The following DYSF variants were observed in gnomAD, a reference collection of about 807,000 sequenced individuals.
DYSF encodes the protein dystrophy-associated fer-1-like 1.
DYSF carries 212 observed loss-of-function variants against 274.9 expected under a neutral mutation model. The observed-to-expected ratio is 0.77, with a 90% CI of 0.69 to 0.86. The LOEUF (loss-of-function observed/expected upper bound fraction) is 0.86, where lower values mean the gene tolerates loss of function less well. Among genes scored for constraint, DYSF ranks in the 40% least tolerant of loss-of-function variants. The pLI, the probability that DYSF is intolerant of heterozygous loss-of-function variation, is 0.00. For synonymous variants in DYSF, 1,091 were observed against 1,078.7 expected, an observed-to-expected ratio of 1.01 and a Z score of -0.22; for missense variants, 2,666 against 2,783.2, an observed-to-expected ratio of 0.96 and a Z score of 0.95.
intron 30 of DYSF, among the ~76,000 whole-genome samples, chr2:71,585,077 C>T (rs1473742529): frequency 6.6e-6 from 1 of 152,238 alleles, no homozygotes; most frequent in Admixed American, 6.5e-5. Context: ...TTCCCCGAAC[C>T]TGGCCACAGG....
intron 30 of DYSF, among the ~76,000 whole-genome samples, chr2:71,589,213 G>C (rs1225225887): frequency 6.6e-6 from 1 of 152,182 alleles, no homozygotes; most frequent in Non-Finnish European, 1.5e-5. Flanking sequence ...ACCCAGAGAT[G>C]CTAGCCTGGA....
At chr2:71,470,064 A>G (rs76265417) in intron 1 of DYSF, among the ~76,000 whole-genome samples, 5,087 of 152,288 alleles carry the variant, frequency 0.033, 301 homozygotes, top group African/African-American at 0.12. Flanking sequence ...CTTGAAGGCC[A>G]GATCTGCTGC....
intron 1 of DYSF, among the ~76,000 whole-genome samples, chr2:71,474,484 A>G (rs917378996): frequency 3.3e-5 from 5 of 152,214 alleles, no homozygotes; most frequent in African/African-American, 1.2e-4. Flanking sequence ...CAAGGCCTAA[A>G]TTAATAATCA....
At chr2:71,484,045 CTTTTTTT>C (rs59780652) in intron 3 of DYSF, among the ~76,000 whole-genome samples, 41 of 67,592 alleles carry the variant, frequency 6.1e-4, no homozygotes, top group African/African-American at 2.4e-3. Flanking sequence ...GGAGATTTCC[CTTTTTTT>C]TTTTTTTTTT....
intron 1 of DYSF, among the ~76,000 whole-genome samples, chr2:71,454,709 G>C (rs1420365617): frequency 6.6e-6 from 1 of 152,156 alleles, no homozygotes. Context: ...GGTGGAGGGA[G>C]CGGGGGTCGT....
intron 42 of DYSF, among the ~76,000 whole-genome samples, chr2:71,649,196 A>G (rs1368886863): frequency 6.6e-6 from 1 of 152,150 alleles, no homozygotes; most frequent in African/African-American, 2.4e-5. Context: ...CTCAAAATGA[A>G]AACAAATGGA....
intron 12 of DYSF, among the ~76,000 whole-genome samples, chr2:71,521,539 C>T (rs934502495): frequency 6.6e-6 from 1 of 152,054 alleles, no homozygotes; most frequent in Non-Finnish European, 1.5e-5. Flanking sequence ...GGGTGGTGGA[C>T]GTGTTGGGTG....
chr2:71,630,879 C>T (rs890863727), intron 41 of DYSF, among the ~76,000 whole-genome samples: 4 of 152,218 alleles, frequency 2.6e-5, no homozygotes, highest in African/African-American at 9.7e-5. Flanking sequence ...TACCTTTCTT[C>T]ATGGATATGC....
intron 44 of DYSF, among the ~76,000 whole-genome samples, chr2:71,660,029 G>A (rs2094848933): frequency 6.6e-6 from 1 of 152,218 alleles, no homozygotes; most frequent in African/African-American, 2.4e-5. Flanking sequence ...GTGTGGTCAT[G>A]GCCAGTGGGT....
chr2:71,532,001 G>C (rs2088779332), intron 14 of DYSF, among the ~76,000 whole-genome samples: 4 of 152,044 alleles, frequency 2.6e-5, no homozygotes, highest in Admixed American at 2.0e-4. Context: ...ACTAATTCAG[G>C]GTTCATGGTG....
At position 71,638,400 on chromosome 2, in the gene DYSF, T is replaced by C. The variant is rs373056900; in HGVS notation, c.4528-5565T>C. The stretch of plus-strand genomic sequence containing the variant: ...AAAAGTACTGAAGAGCATTTATTCC[T>C]CACAATAACTGTCAAATTTATGCTA... On this transcript the variant is annotated intron_variant, in intron 41 of 55. Coordinates refer to ENST00000410020, the MANE Select transcript of DYSF (RefSeq NM_001130987.2). Among the ~76,000 whole-genome samples, 7 of 149,562 alleles carry C rather than the reference T, an allele frequency of 4.7e-5. No homozygotes were observed. In the East Asian group the frequency reaches 7.9e-4, roughly 17 times the overall value.
At chr2:71,563,768 G>A (rs897662825) in intron 23 of DYSF, among the ~76,000 whole-genome samples, 4 of 152,222 alleles carry the variant, frequency 2.6e-5, no homozygotes, top group African/African-American at 9.6e-5. Context: ...GGTCCAGGCA[G>A]GAGTGTCTCT....
At chr2:71,553,706 A>T in intron 20 of DYSF, 101 bp from the exon 21 acceptor site, 1 of 1,208,604 alleles carries the variant, frequency 8.3e-7, no homozygotes, top group Non-Finnish European at 1.2e-6. Context: ...CAGCTCTGCC[A>T]GTCCTAGCCC....
chr2:71,681,179 C>G (rs991065050), intron 54 of DYSF, 69 bp downstream of exon 54: 39 of 1,430,156 alleles, frequency 2.7e-5, no homozygotes, highest in Non-Finnish European at 3.6e-5. Flanking sequence ...CAGGAGGCAT[C>G]CCATTGCATG....
At chr2:71,470,400 T>C (rs1053974626) in intron 1 of DYSF, among the ~76,000 whole-genome samples, 3 of 151,986 alleles carry the variant, frequency 2.0e-5, no homozygotes, top group Non-Finnish European at 2.9e-5. Context: ...CGGCCAGGCG[T>C]GGTGGCTCAC....
intron 52 of DYSF, among the ~76,000 whole-genome samples, 171 bp downstream of exon 52, chr2:71,674,467 GAC>G (rs762553790): frequency 5.3e-5 from 8 of 152,242 alleles, no homozygotes; most frequent in Non-Finnish European, 7.3e-5. Flanking sequence ...TGAGGTGTAT[GAC>G]ACACAGCAGT....
chr2:71,463,936 C>T (rs575196512), upstream of DYSF, among the ~76,000 whole-genome samples: 13 of 152,202 alleles, frequency 8.5e-5, no homozygotes, highest in Admixed American at 2.6e-4. Context: ...ATCAAATGTC[C>T]GCCTCATCTT....
In DYSF at chr2:71,674,375, G is replaced by A. The variant is rs938294572; in HGVS notation, c.5884+79G>A. 5.7e-6 allele frequency: 8 copies of A among 1,399,940 alleles called. No individual in the cohort carries two copies. The Admixed American group carries it at 1.0e-4, about 18-fold the overall frequency. 86.7% of individuals were successfully genotyped at this position (1,399,940 alleles called of 1,614,324 possible). A position where few individuals can be genotyped will look rare whatever the true frequency, so the allele number is the denominator to read the frequency against. ...ACACTGTGTGTTTATGCCACTGTTG[G>A]ACCCTTGGGGAAGCCTAGCAGGAGG... is the stretch of plus-strand genomic sequence containing the variant. On this transcript the variant is annotated intron_variant, in intron 52 of 55. Transcript: ENST00000410020.
At chr2:71,613,440 G>A in intron 40 of DYSF, 30 bp downstream of exon 40, 1 of 1,587,590 alleles carries the variant, frequency 6.3e-7, no homozygotes, top group South Asian at 1.1e-5. Context: ...GGGAGGCCTG[G>A]GTCACCTTTC....
Sources: allele counts gnomAD v4.1 joint callset (sites outside exome capture counted in the v4.1 genomes callset), GRCh38; gene constraint gnomAD v4.1.1; transcripts MANE v1.5; gene names NCBI Gene and HGNC (gene_info 2026-07-23, HGNC 2026-07-21).